The following ZNF777 variants were observed in gnomAD, a reference collection of about 807,000 sequenced individuals.
ZNF777 encodes the protein zinc finger protein 777.
A neutral mutation model predicts 72.1 loss-of-function variants in ZNF777; 7 were observed. That is an observed-to-expected ratio of 0.10 (90% CI 0.06 to 0.18). ZNF777 has a LOEUF of 0.18. Among genes scored for constraint, ZNF777 ranks in the 10% least tolerant of loss-of-function variants. ZNF777 has a pLI of 1.00. For synonymous variants in ZNF777, 545 were observed against 483.5 expected (o/e 1.13, Z -1.67); for missense variants, 828 against 1,128.6 (o/e 0.73, Z 3.82).
At chr7:149,438,280 G>A (rs371938607) in intron 4 of ZNF777, among the ~76,000 whole-genome samples, 1 of 152,028 alleles carries the variant, frequency 6.6e-6, no homozygotes, top group African/African-American at 2.4e-5. Flanking sequence ...TTACAGGCAT[G>A]AGCCACCACA....
intron 4 of ZNF777, among the ~76,000 whole-genome samples, chr7:149,449,310 C>T (rs544871866): frequency 2.0e-5 from 3 of 152,324 alleles, no homozygotes; most frequent in East Asian, 1.9e-4. Flanking sequence ...TCTGTGAGGC[C>T]GCTTCTTCCA....
At chr7:149,440,591 C>G (rs1799493909) in intron 4 of ZNF777, among the ~76,000 whole-genome samples, 1 of 151,018 alleles carries the variant, frequency 6.6e-6, no homozygotes, top group Admixed American at 6.6e-5. Flanking sequence ...CACCTGGACT[C>G]AAGTGATCTT....
chr7:149,446,861 C>T (rs1005711942), intron 4 of ZNF777, among the ~76,000 whole-genome samples: 2 of 152,172 alleles, frequency 1.3e-5, no homozygotes, highest in Non-Finnish European at 2.9e-5. Context: ...GTTTGTCTTC[C>T]TAAGGTCACT....
At position 149,460,125 on chromosome 7, in the gene ZNF777, G is replaced by C; in HGVS notation, c.-16+690C>G. 1.0e-6 allele frequency: 1 copy of C among 981,410 alleles called. No individual in the cohort carries two copies. The highest frequency in any genetic ancestry group is 1.2e-6 in the Non-Finnish European group (1 of 828,328). The allele number at this position is 981,410 out of a possible 1,614,324, so 60.8% of individuals were successfully genotyped here. A position where few individuals can be genotyped will look rare whatever the true frequency, so the allele number is the denominator to read the frequency against. On this transcript the variant is annotated intron_variant, in intron 1 of 5. Transcript: ENST00000247930. This position sits in a 1 kb window ranked among gnomAD's most constrained non-coding sequence, Gnocchi z 6.1. ...GTGCGCGCGCGGGCCGCCCTCACAG[G>C]AGCCGGGGCCGCCTCGGCCATGGCC...
At chr7:149,456,834 A>G (rs978557056) in intron 1 of ZNF777, among the ~76,000 whole-genome samples, 82 of 152,306 alleles carry the variant, frequency 5.4e-4, no homozygotes, top group Non-Finnish European at 5.4e-4. Context: ...AACATCTTCT[A>G]TGTGCCCGGC....
intron 4 of ZNF777, among the ~76,000 whole-genome samples, chr7:149,438,483 T>G (rs901378999): frequency 3.9e-5 from 6 of 152,226 alleles, no homozygotes; most frequent in Admixed American, 3.3e-4. Context: ...TACACACATA[T>G]TCATTCATTC....
chr7:149,452,528 G>A (rs1799742721), intron 3 of ZNF777, among the ~76,000 whole-genome samples: 1 of 150,620 alleles, frequency 6.6e-6, no homozygotes, highest in South Asian at 2.1e-4. Context: ...AGCTACTCGG[G>A]AGGCTGAGGT....
At position 149,460,065 on chromosome 7, in the gene ZNF777, G is replaced by T; in HGVS notation, c.-16+750C>A. On this transcript the variant is annotated intron_variant, in intron 1 of 5. Transcript: ENST00000247930. This position sits in a 1 kb window ranked among gnomAD's most constrained non-coding sequence, Gnocchi z 6.1. ...GGCCGGGCCGCCGAGCCCGGGACAC[G>T]CAGGCCGTCCCCGGGGCCCCGAGGC... 2 of 981,532 alleles carry T rather than the reference G, an allele frequency of 2.0e-6. No homozygotes were observed. Among genetic ancestry groups the T allele is most frequent in the Non-Finnish European group, 2.4e-6 (2 of 828,462 alleles). 60.8% of individuals were successfully genotyped at this position (981,532 alleles called of 1,614,324 possible).
intron 1 of ZNF777, among the ~76,000 whole-genome samples, chr7:149,457,982 G>A (rs1799865445): frequency 6.6e-6 from 1 of 152,190 alleles, no homozygotes; most frequent in Non-Finnish European, 1.5e-5. Context: ...TGAGGCAGCT[G>A]GCCAGGCAGG....
chr7:149,437,974 A>C lies in ZNF777; in HGVS notation c.1088-1148T>G, dbSNP rs532617248. Among the ~76,000 whole-genome samples the C allele has an allele frequency of 6.6e-5, 10 of 150,852 alleles. No homozygotes were observed. The South Asian group carries it at 2.1e-3, about 32-fold the overall frequency. ...GGTTCACTGCAAGCTCCGCCTCCCA[A>C]CTTCAAGCGATTCTCCTGCCTCAGC... On this transcript the variant is annotated intron_variant, in intron 4 of 5. Transcript: ENST00000247930.
At chr7:149,457,963 A>T (rs1478166183) in intron 1 of ZNF777, among the ~76,000 whole-genome samples, 1 of 152,134 alleles carries the variant, frequency 6.6e-6, no homozygotes, top group Non-Finnish European at 1.5e-5. Context: ...TGAGGCCTTA[A>T]CTGTCAACTG....
intron 4 of ZNF777, among the ~76,000 whole-genome samples, chr7:149,447,393 G>A (rs978144048): frequency 1.3e-5 from 2 of 152,102 alleles, no homozygotes; most frequent in African/African-American, 4.8e-5. Context: ...TGTCTCACAG[G>A]GATCTCAAAC....
chr7:149,453,070 C>T (rs950412722), intron 3 of ZNF777, among the ~76,000 whole-genome samples: 4 of 152,096 alleles, frequency 2.6e-5, no homozygotes, highest in African/African-American at 7.2e-5. Context: ...AATAAGTAAA[C>T]GGGCCCCTCT....
In ZNF777 at chr7:149,451,110, A is replaced by G. The variant is rs2116599048; in HGVS notation, c.976T>C (p.Tyr326His). 6.2e-7 allele frequency: 1 copy of G among 1,613,618 alleles called. No homozygotes were observed. The highest frequency in any genetic ancestry group is 1.1e-5 in the South Asian group (1 of 91,084). Residue 326 changes from tyrosine to histidine, a missense_variant and splice_region_variant, in exon 4 of 6, where the codon TAT (tyrosine) becomes CAT (histidine). Transcript: ENST00000247930. The part of the protein sequence containing the change: ...GNYESLVSMD[Y>H]AISKPDLMSQ... Reference sequence around the variant, plus strand: ...ATGAGGTCTGGTTTGGAAATTGCATAGTCTAGGCAGAAGAAAGGGAAAAAA... The same window carrying G: ...ATGAGGTCTGGTTTGGAAATTGCATGGTCTAGGCAGAAGAAAGGGAAAAAA...
At chr7:149,458,909 G>C (rs1224632319) in intron 1 of ZNF777, among the ~76,000 whole-genome samples, 1 of 152,218 alleles carries the variant, frequency 6.6e-6, no homozygotes, top group African/African-American at 2.4e-5. Context: ...GGATTTAACG[G>C]TCCCTCCTTC....
chr7:149,453,706 A>G (rs778251466), intron 3 of ZNF777, among the ~76,000 whole-genome samples: 20 of 152,168 alleles, frequency 1.3e-4, no homozygotes, highest in Non-Finnish European at 2.4e-4. Flanking sequence ...CTTGTACAGC[A>G]CCTCAAATGT....
chr7:149,444,602 T>G lies in ZNF777; in HGVS notation c.1087+6397A>C, dbSNP rs536511141. Among the ~76,000 whole-genome samples, 5 of 152,346 alleles carry G rather than the reference T, an allele frequency of 3.3e-5. No individual in the cohort carries two copies. The East Asian group carries it at 9.6e-4, about 29-fold the overall frequency. On this transcript the variant is annotated intron_variant, in intron 4 of 5. Coordinates refer to ENST00000247930, the MANE Select transcript of ZNF777 (RefSeq NM_015694.3). Reference sequence around the variant, plus strand: ...GATAAAGGATTTGTGGAGACTTGAATATCTCAAAATGACTCAGTTTCACTC... The same window carrying G: ...GATAAAGGATTTGTGGAGACTTGAAGATCTCAAAATGACTCAGTTTCACTC...
intron 5 of ZNF777, among the ~76,000 whole-genome samples, chr7:149,433,845 G>A (rs566963351): frequency 1.1e-4 from 17 of 152,174 alleles, no homozygotes; most frequent in Admixed American, 2.0e-4. Flanking sequence ...AGTGGCTCCC[G>A]ACTCCTGTTT....
intron 4 of ZNF777, among the ~76,000 whole-genome samples, chr7:149,443,889 G>A (rs1277046080): frequency 1.3e-5 from 2 of 152,116 alleles, no homozygotes; most frequent in African/African-American, 4.8e-5. Context: ...CACCACACCC[G>A]GCCCAAAACT....
Sources: allele counts gnomAD v4.1 joint callset (sites outside exome capture counted in the v4.1 genomes callset), GRCh38; gene constraint gnomAD v4.1.1; non-coding constraint Gnocchi (gnomAD v3.1); transcripts MANE v1.5; gene names NCBI Gene and HGNC (gene_info 2026-07-23, HGNC 2026-07-21).